TCTN3: variants seen among roughly 807,000 people sequenced by gnomAD.
TCTN3 encodes tectonic-3.
In TCTN3, 57 loss-of-function variants were observed where a neutral mutation model predicts 71.3. The ratio of observed to expected loss-of-function variants is 0.80; its 90% CI spans 0.65 to 1.00. TCTN3 has a LOEUF of 1.00. TCTN3 is among the 50% of genes least tolerant of loss of function. The pLI is 0.00. For synonymous variants in TCTN3, 258 were observed against 267.8 expected (o/e 0.96, Z 0.36); for missense variants, 696 against 719.9 (o/e 0.97, Z 0.38).
intron 3 of TCTN3, among the ~76,000 whole-genome samples, chr10:95,692,580 C>A (rs1397281678): frequency 4.9e-5 from 7 of 142,958 alleles, no homozygotes; most frequent in African/African-American, 1.0e-4. Flanking sequence ...ATTCAAAGGA[C>A]AAAAAAAAAA....
chr10:95,680,323 T>G, intron 13 of TCTN3, 149 bp downstream of exon 13: 2 of 1,002,132 alleles, frequency 2.0e-6, no homozygotes, highest in South Asian at 1.6e-5. Flanking sequence ...TGAATAGACT[T>G]GACAAATTAT....
At chr10:95,693,258 GT>G in intron 2 of TCTN3, 94 bp downstream of exon 2, 1 of 1,509,818 alleles carries the variant, frequency 6.6e-7, no homozygotes, top group East Asian at 2.5e-5. Flanking sequence ...GGAAGTACGG[GT>G]GGGAGGCACA....
intron 13 of TCTN3, among the ~76,000 whole-genome samples, chr10:95,679,781 G>A (rs1319409576): frequency 4.0e-5 from 6 of 151,296 alleles, no homozygotes; most frequent in Non-Finnish European, 7.4e-5. Context: ...TAGTAGAGAC[G>A]GGGTTTCACC....
In TCTN3 at chr10:95,684,684, CAGA is replaced by C. The variant is rs1226617820; in HGVS notation, c.970-63_970-61del. On this transcript the variant is annotated intron_variant, in intron 8 of 13. Transcript: ENST00000371217. ...GTTATTGGGCCGAATATGTTTAGGA[CAGA>C]AGATTTTCTGTCTTCAAGGGTGTTA... 1.1e-5 allele frequency: 18 copies of C among 1,579,544 alleles called. No individual in the cohort carries two copies. In the East Asian group the frequency reaches 4.1e-4, roughly 36 times the overall value.
intron 13 of TCTN3, among the ~76,000 whole-genome samples, chr10:95,677,033 G>C (rs1193718319): frequency 2.6e-5 from 4 of 152,174 alleles, no homozygotes; most frequent in Non-Finnish European, 5.9e-5. Flanking sequence ...ATAATCTAAA[G>C]AGTAGATGAT....
chr10:95,685,535 A>G, intron 8 of TCTN3, 21 bp downstream of exon 8: 1 of 1,539,280 alleles, frequency 6.5e-7, no homozygotes, highest in Non-Finnish European at 8.8e-7. Context: ...TCAGTCCAGA[A>G]TCTGAGGTCA....
chr10:95,687,790 TA>T, intron 3 of TCTN3, 71 bp from the exon 4 acceptor site: 1 of 1,539,524 alleles, frequency 6.5e-7, no homozygotes, highest in Admixed American at 2.0e-5. Context: ...TTTTAAAAAA[TA>T]TTTTTATTGA....
intron 4 of TCTN3, 66 bp downstream of exon 4, chr10:95,687,526 T>A: frequency 1.3e-6 from 2 of 1,597,202 alleles, no homozygotes; most frequent in Non-Finnish European, 1.7e-6. Flanking sequence ...CAAAGTTACC[T>A]TGTCAGCTGT....
intron 13 of TCTN3, among the ~76,000 whole-genome samples, chr10:95,675,937 T>C (rs575269880): frequency 7.9e-5 from 12 of 152,350 alleles, no homozygotes; most frequent in African/African-American, 2.9e-4. Flanking sequence ...GAATGTTGCA[T>C]GTCTGCATTC....
intron 13 of TCTN3, among the ~76,000 whole-genome samples, chr10:95,668,859 C>T (rs975194613): frequency 6.6e-6 from 1 of 152,094 alleles, no homozygotes; most frequent in Non-Finnish European, 1.5e-5. Flanking sequence ...AGAAAATATG[C>T]AGGAAAATGT....
intron 13 of TCTN3, among the ~76,000 whole-genome samples, chr10:95,668,491 G>A (rs977228740): frequency 6.6e-6 from 1 of 152,074 alleles, no homozygotes. Context: ...ATGAAAGAAT[G>A]CCTTCAAAAT....
intron 6 of TCTN3, among the ~76,000 whole-genome samples, chr10:95,686,817 T>C (rs2097948753): frequency 6.6e-6 from 1 of 152,226 alleles, no homozygotes; most frequent in Non-Finnish European, 1.5e-5. Flanking sequence ...CCTTCCACCC[T>C]CGCAAGCCAA....
intron 7 of TCTN3, 74 bp from the exon 8 acceptor site, chr10:95,685,710 G>T (rs1359911707): frequency 3.4e-6 from 4 of 1,173,136 alleles, no homozygotes; most frequent in East Asian, 5.2e-5. Context: ...TAGATATCAT[G>T]CTAAGATGAG....
chr10:95,664,101 A>G lies in TCTN3; in HGVS notation c.1790T>C (p.Leu597Ser). The G allele has an allele frequency of 6.2e-6, 10 of 1,614,142 alleles. No homozygotes were observed. Among genetic ancestry groups the G allele is most frequent in the Non-Finnish European group, 7.6e-6 (9 of 1,180,024 alleles). Residue 597 changes from leucine (L) to serine (S), a missense_variant, in exon 14 of 14, where the codon TTA (leucine) becomes TCA (serine). Coordinates refer to ENST00000371217, the MANE Select transcript of TCTN3 (RefSeq NM_015631.6). The part of the protein sequence containing the change: ...SVSPILILCL[L>S]LLGVLNLETM ...CTCTAGGTTGAGAACTCCAAGTAGT[A>G]AGAGGCACAGGATAAGGATGGGAGA...
chr10:95,674,692 GTATGT>G (rs753931316), intron 13 of TCTN3, among the ~76,000 whole-genome samples: 7 of 152,060 alleles, frequency 4.6e-5, no homozygotes, highest in Non-Finnish European at 7.4e-5. Flanking sequence ...AACTGTATCT[GTATGT>G]TATATCTACA....
chr10:95,677,867 G>A (rs980358632), intron 13 of TCTN3, among the ~76,000 whole-genome samples: 6 of 152,290 alleles, frequency 3.9e-5, no homozygotes, highest in African/African-American at 1.4e-4. Context: ...TATACTGTCA[G>A]ATTTTCAATT....
At chr10:95,672,267 C>A (rs2097932411) in intron 13 of TCTN3, among the ~76,000 whole-genome samples, 1 of 138,738 alleles carries the variant, frequency 7.2e-6, no homozygotes, top group Non-Finnish European at 1.6e-5. Context: ...AAGTAGTATT[C>A]CATTGTGCGA....
chr10:95,693,412 C>T lies in TCTN3; in HGVS notation c.321G>A (p.Arg107=). The T allele has an allele frequency of 1.3e-6, 2 of 1,551,962 alleles. No individual in the cohort carries two copies. The highest frequency in any genetic ancestry group is 1.2e-5 in the South Asian group (1 of 84,064). The change falls in exon 2 of 14, where the codon AGG becomes AGA. Residue 107 remains arginine, a synonymous_variant. Transcript: ENST00000371217. The part of the protein sequence containing the change: ...GACDINCCCD[R]DCYLLHPRTV... ...TCCTCGGATGGAGAAGATAGCAGTCCCTGTCGCAGCAGCAATTTATATCGC... is the reference window on the plus strand; with the variant it reads ...TCCTCGGATGGAGAAGATAGCAGTCTCTGTCGCAGCAGCAATTTATATCGC...
intron 13 of TCTN3, among the ~76,000 whole-genome samples, chr10:95,679,589 T>G (rs893441942): frequency 1.1e-5 from 1 of 90,994 alleles, no homozygotes; most frequent in East Asian, 2.7e-4. Context: ...ATTTCTTTTT[T>G]TTTTTTTTTT....
Sources: allele counts gnomAD v4.1 joint callset (sites outside exome capture counted in the v4.1 genomes callset), GRCh38; gene constraint gnomAD v4.1.1; transcripts MANE v1.5; gene names NCBI Gene and HGNC (gene_info 2026-07-23, HGNC 2026-07-21).